The following LRBA variants were observed in gnomAD, a reference collection of about 807,000 sequenced individuals.
LRBA encodes LPS responsive beige-like anchor protein, also known as lipopolysaccharide-responsive and beige-like anchor protein.
In LRBA, 176 loss-of-function variants were observed where a neutral mutation model predicts 330.0. The observed-to-expected ratio is 0.53, with a 90% CI of 0.47 to 0.60. The LOEUF is 0.60. Ranked by LOEUF, LRBA falls within the 20% of genes least tolerant of loss-of-function variation. The pLI is 0.00. For missense variants in LRBA, 3,259 were observed against 3,444.8 expected (o/e 0.95, Z 1.35); for synonymous variants, 1,230 against 1,193.0 (o/e 1.03, Z -0.64).
At chr4:150,734,931 G>C (rs1020738680) in intron 36 of LRBA, among the ~76,000 whole-genome samples, 5 of 151,946 alleles carry the variant, frequency 3.3e-5, no homozygotes, top group African/African-American at 1.2e-4. Context: ...GCTCTGTTTT[G>C]TCCAGAAAGG....
intron 35 of LRBA, among the ~76,000 whole-genome samples, chr4:150,761,340 CCTT>C (rs1169440205): frequency 2.0e-5 from 3 of 152,038 alleles, no homozygotes; most frequent in South Asian, 2.1e-4. Flanking sequence ...AAATATACCT[CCTT>C]ATTTCCTCTA....
Position 150,321,160 on chromosome 4 carries a change from C to T in LRBA, c.7630+31G>A, listed in dbSNP as rs11737450. The T allele has an allele frequency of 0.22, 353,251 of 1,584,134 alleles. 42,401 individuals are homozygous for T. The highest frequency in any genetic ancestry group is 0.26 in the East Asian group (11,641 of 44,186). On this transcript the variant is annotated intron_variant, in intron 50 of 56. Coordinates refer to ENST00000651943, the MANE Select transcript of LRBA (RefSeq NM_001364905.1). This position sits in a 1 kb window ranked among gnomAD's most constrained non-coding sequence, Gnocchi z 4.5. ...GGTATTACACAGTGTTCAGCAGTTACCATGCCTTATAATGGTATTTCTTTA... is the reference window on the plus strand; with the variant it reads ...GGTATTACACAGTGTTCAGCAGTTATCATGCCTTATAATGGTATTTCTTTA...
chr4:150,684,906 A>G (rs1053644559), intron 36 of LRBA, among the ~76,000 whole-genome samples: 1 of 152,100 alleles, frequency 6.6e-6, no homozygotes, highest in Non-Finnish European at 1.5e-5. Flanking sequence ...CCACCACCCC[A>G]GCAACAAATA....
chr4:150,608,068 AGGTGTGGT>A (rs1259648507), intron 37 of LRBA, among the ~76,000 whole-genome samples: 1 of 151,954 alleles, frequency 6.6e-6, no homozygotes, highest in Admixed American at 6.6e-5. Flanking sequence ...AAAATTAGCC[AGGTGTGGT>A]GGTGCACGCC....
chr4:150,979,374 C>T (rs1354895769), intron 2 of LRBA, among the ~76,000 whole-genome samples: 2 of 152,144 alleles, frequency 1.3e-5, no homozygotes, highest in Non-Finnish European at 2.9e-5. Flanking sequence ...ACCTGTCCTA[C>T]AAGAAATGCT....
chr4:150,609,238 T>G (rs1480005069), intron 37 of LRBA, among the ~76,000 whole-genome samples: 2 of 152,226 alleles, frequency 1.3e-5, no homozygotes, highest in Non-Finnish European at 2.9e-5. Flanking sequence ...GGAATCCAGC[T>G]TTAAGAGGAT....
intron 2 of LRBA, among the ~76,000 whole-genome samples, chr4:150,962,566 T>C (rs9685141): frequency 6.7e-6 from 1 of 148,654 alleles, no homozygotes; most frequent in Admixed American, 6.6e-5. Context: ...CATAGAACTT[T>C]AAGGAAGTTC....
intron 17 of LRBA, among the ~76,000 whole-genome samples, chr4:150,888,932 T>TAG (rs983484703): frequency 2.6e-5 from 4 of 152,136 alleles, no homozygotes; most frequent in South Asian, 2.1e-4. Context: ...GATGTGCAGA[T>TAG]AGAGAGAGAG....
chr4:150,638,777 T>C (rs1006763509), intron 37 of LRBA, among the ~76,000 whole-genome samples: 50 of 121,570 alleles, frequency 4.1e-4, no homozygotes, highest in African/African-American at 1.6e-3. Flanking sequence ...AGTTCAACCA[T>C]TGTGGAAGTC....
At chr4:150,664,830 CTTCAAG>C (rs1372664089) in intron 37 of LRBA, among the ~76,000 whole-genome samples, 2 of 152,186 alleles carry the variant, frequency 1.3e-5, no homozygotes, top group Non-Finnish European at 2.9e-5. Flanking sequence ...AGCCTAGCAA[CTTCAAG>C]TTCATTTTCT....
At chr4:150,439,765 T>C (rs1191051980) in intron 44 of LRBA, among the ~76,000 whole-genome samples, 2 of 152,300 alleles carry the variant, frequency 1.3e-5, no homozygotes, top group South Asian at 2.1e-4. Flanking sequence ...CAGTGCTGTA[T>C]ATCACAGCTT....
At chr4:150,612,954 T>C (rs530287290) in intron 37 of LRBA, among the ~76,000 whole-genome samples, 106 of 152,266 alleles carry the variant, frequency 7.0e-4, no homozygotes, top group Non-Finnish European at 7.4e-4. Flanking sequence ...CAATTTTCAA[T>C]TGATACACAA....
chr4:150,591,783 A>T (rs1772869949), intron 38 of LRBA, among the ~76,000 whole-genome samples: 1 of 152,074 alleles, frequency 6.6e-6, no homozygotes, highest in African/African-American at 2.4e-5. Context: ...GGGAAGAAGC[A>T]GCCCTGCAGA....
At chr4:150,897,916 G>A in intron 14 of LRBA, 98 bp from the exon 15 acceptor site, 1 of 785,354 alleles carries the variant, frequency 1.3e-6, no homozygotes, top group Non-Finnish European at 2.1e-6. Flanking sequence ...CCATGTGTTT[G>A]TAAGAAATAT....
At chr4:150,582,516 C>T (rs746420405) in intron 40 of LRBA, 11 of 159,312 alleles carry the variant, frequency 6.9e-5, no homozygotes, top group Non-Finnish European at 1.3e-4. Flanking sequence ...CTACACTGAG[C>T]GAAGAAGTCC....
intron 47 of LRBA, among the ~76,000 whole-genome samples, chr4:150,403,351 C>T (rs1332518010): frequency 6.6e-6 from 1 of 152,162 alleles, no homozygotes; most frequent in African/African-American, 2.4e-5. Context: ...TATTGCGAGC[C>T]CATTAGCCTC....
intron 13 of LRBA, among the ~76,000 whole-genome samples, chr4:150,901,848 T>C (rs1366990617): frequency 6.6e-6 from 1 of 152,204 alleles, no homozygotes; most frequent in Non-Finnish European, 1.5e-5. Context: ...GCTGTTCAAA[T>C]TGATAGGCCC....
chr4:150,849,116 A>C, intron 25 of LRBA, 118 bp from the exon 26 acceptor site: 1 of 675,452 alleles, frequency 1.5e-6, no homozygotes, highest in Non-Finnish European at 2.5e-6. Flanking sequence ...ACCTAGTAAC[A>C]CAGAGTGATT....
intron 53 of LRBA, among the ~76,000 whole-genome samples, chr4:150,298,868 A>T (rs140632615): frequency 0.011 from 1,645 of 152,184 alleles, 26 homozygotes; most frequent in African/African-American, 0.038. Context: ...GTTAGCAACC[A>T]TTTGCTTCTG....
Sources: gnomAD v4.1 joint callset for allele counts (sites outside exome capture counted in the v4.1 genomes callset) on GRCh38, gnomAD v4.1.1 for gene constraint, Gnocchi (gnomAD v3.1) non-coding constraint, MANE v1.5 for transcripts, NCBI Gene and HGNC (gene_info 2026-07-23, HGNC 2026-07-21) for gene names.